Variants in NINJ2 observed in about 807,000 individuals in gnomAD.
The protein encoded by NINJ2 is ninjurin 2.
NINJ2 carries 12 observed loss-of-function variants against 11.7 expected under a neutral mutation model. The ratio of observed to expected loss-of-function variants is 1.02; its 90% CI spans 0.66 to 1.66. NINJ2 has a LOEUF of 1.66. Ranked by LOEUF, NINJ2 falls within the 40% of genes most tolerant of loss-of-function variation. The pLI is 0.00. For missense variants in NINJ2, 187 were observed against 181.8 expected (o/e 1.03, Z -0.16); for synonymous variants, 93 against 76.8 (o/e 1.21, Z -1.10).
At chr12:650,106 A>AT (rs1937764464) in intron 1 of NINJ2, among the ~76,000 whole-genome samples, 1 of 144,944 alleles carries the variant, frequency 6.9e-6, no homozygotes, top group Non-Finnish European at 1.5e-5. Flanking sequence ...GAGGCAAGGG[A>AT]TAGAGTCTCA....
rs1343843688 is a variant in NINJ2, at chr12:580,242, A to G, written c.34-14064T>C. Reference sequence around the variant, plus strand: ...CTCCCCAGTGGAAAAGCTTCATGGGAACAAGGGGGCGCCTCACCTGGAGTG... The same window carrying G: ...CTCCCCAGTGGAAAAGCTTCATGGGGACAAGGGGGCGCCTCACCTGGAGTG... On this transcript the variant is annotated intron_variant, in intron 1 of 3. Transcript: ENST00000305108. This position sits in a 1 kb window ranked among gnomAD's most constrained non-coding sequence, Gnocchi z 4.7. 6.6e-6 allele frequency among the ~76,000 whole-genome samples: 1 copy of G among 152,120 alleles called. No individual in the cohort carries two copies. The highest frequency in any genetic ancestry group is 1.5e-5 in the Non-Finnish European group (1 of 68,016).
At chr12:567,755 C>T (rs755021317) in intron 1 of NINJ2, among the ~76,000 whole-genome samples, 2 of 152,162 alleles carry the variant, frequency 1.3e-5, no homozygotes, top group Non-Finnish European at 2.9e-5. Flanking sequence ...CCCGTAACTC[C>T]AGCACTTTGA....
At chr12:576,459 C>T (rs1947462919) in intron 1 of NINJ2, among the ~76,000 whole-genome samples, 1 of 152,224 alleles carries the variant, frequency 6.6e-6, no homozygotes, top group African/African-American at 2.4e-5. Context: ...TGCGTTGAAA[C>T]CGGAACTCGG....
In NINJ2 at chr12:580,978, G is replaced by T. The variant is rs1313808227; in HGVS notation, c.34-14800C>A. Among the ~76,000 whole-genome samples the T allele has an allele frequency of 6.6e-6, 1 of 151,620 alleles. No homozygotes were observed. The highest frequency in any genetic ancestry group is 6.6e-5 in the Admixed American group (1 of 15,220). On this transcript the variant is annotated intron_variant, in intron 1 of 3. Transcript: ENST00000305108. This position sits in a 1 kb window ranked among gnomAD's most constrained non-coding sequence, Gnocchi z 4.7. ...CATGTGTGTTTGTGTGTATGTGTGT[G>T]TCCATGTCTCTGTGCATATGTCTGT...
chr12:577,430 C>CATATATATATGT (rs372597339), intron 1 of NINJ2, among the ~76,000 whole-genome samples: 21 of 93,944 alleles, frequency 2.2e-4, no homozygotes, highest in East Asian at 1.9e-3. Context: ...TATATATATA[C>CATATATATATGT]ATATATATAT....
chr12:603,983 C>G (rs1221731824), intron 1 of NINJ2, among the ~76,000 whole-genome samples: 1 of 152,188 alleles, frequency 6.6e-6, no homozygotes, highest in Non-Finnish European at 1.5e-5. Context: ...CTTTCCCCCG[C>G]TGAGTCGTCA....
intron 1 of NINJ2, among the ~76,000 whole-genome samples, chr12:576,948 C>T (rs1947470340): frequency 1.3e-5 from 2 of 152,140 alleles, no homozygotes; most frequent in Non-Finnish European, 2.9e-5. Flanking sequence ...CAAAGCCCTC[C>T]CAGCCGATCT....
Position 635,139 on chromosome 12 carries a change from C to T in NINJ2, c.33+28189G>A, listed in dbSNP as rs148972651. On this transcript the variant is annotated intron_variant, in intron 1 of 3. Transcript: ENST00000305108. ...CATGATCTTGGCTCACTGCAACCTCCGCCTCCCCGGTTCAAGTGATCCTCC... is the reference window on the plus strand; with the variant it reads ...CATGATCTTGGCTCACTGCAACCTCTGCCTCCCCGGTTCAAGTGATCCTCC... Among the ~76,000 whole-genome samples, 1,214 of 151,918 alleles carry T rather than the reference C, an allele frequency of 8.0e-3. 14 individuals are homozygous for T. Among genetic ancestry groups the T allele is most frequent in the African/African-American group, 0.021 (882 of 41,418 alleles).
chr12:645,461 G>C (rs1193697555), intron 1 of NINJ2: 1 of 152,128 alleles, frequency 6.6e-6, no homozygotes, highest in Non-Finnish European at 1.5e-5. Flanking sequence ...TTTTCTCTAG[G>C]AAGTAACAGA....
At chr12:658,504 A>G (rs1565651019) in intron 1 of NINJ2, among the ~76,000 whole-genome samples, 2 of 152,204 alleles carry the variant, frequency 1.3e-5, no homozygotes, top group African/African-American at 4.8e-5. Context: ...GCAATCTGAA[A>G]AGGCTACATA....
chr12:620,675 G>A (rs1196069841), intron 1 of NINJ2, among the ~76,000 whole-genome samples: 1 of 152,160 alleles, frequency 6.6e-6, no homozygotes, highest in Non-Finnish European at 1.5e-5. Flanking sequence ...TGTCACCCAG[G>A]CTGGAGTGCA....
rs1947308255 is a variant in NINJ2, at chr12:566,903, A to G, written c.34-725T>C. ...GAAGCCACTAACTCCAAAAGACAGA[A>G]TCACAATACAGGGCATATGCTGTGG... is the stretch of plus-strand genomic sequence containing the variant. On this transcript the variant is annotated intron_variant, in intron 1 of 3. Coordinates refer to ENST00000305108, the MANE Select transcript of NINJ2 (RefSeq NM_016533.6). 2.0e-5 allele frequency among the ~76,000 whole-genome samples: 3 copies of G among 152,218 alleles called. No homozygotes were observed. The South Asian group carries it at 6.2e-4, about 32-fold the overall frequency.
intron 1 of NINJ2, among the ~76,000 whole-genome samples, chr12:663,112 G>A (rs1937979504): frequency 6.6e-6 from 1 of 152,158 alleles, no homozygotes; most frequent in Admixed American, 6.6e-5. Flanking sequence ...TAACCAATCT[G>A]TTTTTCAGAT....
chr12:626,823 C>A (rs11063942), intron 1 of NINJ2, among the ~76,000 whole-genome samples: 10,435 of 152,180 alleles, frequency 0.069, 485 homozygotes, highest in Middle Eastern at 0.12. Flanking sequence ...CTGTAGCTTG[C>A]GCCTATAATC....
intron 1 of NINJ2, among the ~76,000 whole-genome samples, chr12:616,620 G>T (rs961520167): frequency 6.6e-6 from 1 of 152,220 alleles, no homozygotes; most frequent in African/African-American, 2.4e-5. Context: ...AAATAGGAAA[G>T]AGGCCACGAT....
chr12:641,932 A>G, intron 1 of NINJ2, among the ~76,000 whole-genome samples: 1 of 152,112 alleles, frequency 6.6e-6, no homozygotes, highest in East Asian at 1.9e-4. Context: ...GGCTCAGAAA[A>G]GACCTGTCTT....
rs534413480 is a variant in NINJ2 at position 652,379 on chromosome 12, A to T, written c.33+10949T>A. Among the ~76,000 whole-genome samples the T allele has an allele frequency of 1.3e-3, 193 of 152,282 alleles. 1 individual carries two copies. The highest frequency in any genetic ancestry group is 2.3e-3 in the Non-Finnish European group (159 of 68,026). ...ACTTTCTCAGACAAACAAAACTAAG[A>T]GGATTTGTTGCTAGTAGCTCTGTCT... On this transcript the variant is annotated intron_variant, in intron 1 of 3. Coordinates refer to ENST00000305108, the MANE Select transcript of NINJ2 (RefSeq NM_016533.6).
intron 1 of NINJ2, among the ~76,000 whole-genome samples, chr12:648,877 G>A (rs1042521721): frequency 3.3e-5 from 5 of 151,884 alleles, no homozygotes; most frequent in Non-Finnish European, 7.4e-5. Flanking sequence ...CCAGCTTTTT[G>A]TTCACACTGT....
chr12:658,238 C>G (rs1937898982), intron 1 of NINJ2, among the ~76,000 whole-genome samples: 1 of 152,050 alleles, frequency 6.6e-6, no homozygotes. Flanking sequence ...CTCCTAACCT[C>G]AAGTGATCCA....
Sources: allele counts gnomAD v4.1 joint callset (sites outside exome capture counted in the v4.1 genomes callset), GRCh38; gene constraint gnomAD v4.1.1; non-coding constraint Gnocchi (gnomAD v3.1); transcripts MANE v1.5; gene names NCBI Gene and HGNC (gene_info 2026-07-23, HGNC 2026-07-21).